Variants in ALK observed in about 807,000 individuals in gnomAD.
ALK encodes ALK tyrosine kinase receptor.
In ALK, 74 loss-of-function variants were observed where a neutral mutation model predicts 163.1. The ratio of observed to expected loss-of-function variants is 0.45; its 90% CI spans 0.38 to 0.55. ALK has a LOEUF of 0.55. Among genes scored for constraint, ALK ranks in the 20% least tolerant of loss-of-function variants. The pLI, the probability that ALK is intolerant of heterozygous loss-of-function variation, is 0.00. For missense variants in ALK, 2,063 were observed against 2,105.3 expected, an observed-to-expected ratio of 0.98 and a Z score of 0.39; for synonymous variants, 960 against 843.2, an observed-to-expected ratio of 1.14 and a Z score of -2.40.
At chr2:29,547,333 A>G (rs1236236164) in intron 3 of ALK, among the ~76,000 whole-genome samples, 1 of 152,226 alleles carries the variant, frequency 6.6e-6, no homozygotes. Context: ...GAGGTGGCTC[A>G]TGCCTGTAAT....
chr2:29,458,506 T>C (rs1044731940), intron 4 of ALK, among the ~76,000 whole-genome samples: 2 of 152,178 alleles, frequency 1.3e-5, no homozygotes, highest in Non-Finnish European at 2.9e-5. Flanking sequence ...AGGGACTCCA[T>C]GCCCTTTATA....
chr2:29,398,474 T>C (rs913519167), intron 4 of ALK, among the ~76,000 whole-genome samples: 1 of 152,132 alleles, frequency 6.6e-6, no homozygotes, highest in African/African-American at 2.4e-5. Context: ...CCCACTGTTT[T>C]ATAAGTGTCA....
chr2:29,518,802 C>T (rs1250507707), intron 4 of ALK, among the ~76,000 whole-genome samples: 4 of 152,198 alleles, frequency 2.6e-5, no homozygotes, highest in Non-Finnish European at 5.9e-5. Context: ...AGTAAGCTTC[C>T]TCTGTATGAC....
intron 1 of ALK, among the ~76,000 whole-genome samples, chr2:29,874,199 T>G (rs770480309): frequency 6.6e-6 from 1 of 152,154 alleles, no homozygotes. Flanking sequence ...CAAAAAATGG[T>G]GAGATTATTC....
At chr2:29,535,149 C>T (rs1217882518) in intron 3 of ALK, among the ~76,000 whole-genome samples, 2 of 152,154 alleles carry the variant, frequency 1.3e-5, no homozygotes, top group Admixed American at 6.5e-5. Context: ...GGCAAAGTCT[C>T]CTGGGGTCCT....
chr2:29,596,616 T>A lies in ALK; in HGVS notation c.953-64500A>T, dbSNP rs142964743. ...AGCTAGAGAGGTGAGCAGGGCCAGA[T>A]TCTGAGGGCCTTGAGTGGCACTGAG... On this transcript the variant is annotated intron_variant, in intron 3 of 28. Transcript: ENST00000389048. 4.9e-3 allele frequency among the ~76,000 whole-genome samples: 741 copies of A among 152,190 alleles called. 8 individuals are homozygous for A. The highest frequency in any genetic ancestry group is 0.016 in the African/African-American group (649 of 41,528).
At chr2:29,776,275 T>C (rs1681174518) in intron 1 of ALK, among the ~76,000 whole-genome samples, 1 of 148,482 alleles carries the variant, frequency 6.7e-6, no homozygotes, top group Non-Finnish European at 1.5e-5. Context: ...CCACAAGACA[T>C]TGTGATGATT....
chr2:29,637,195 T>C (rs2339547), intron 3 of ALK, among the ~76,000 whole-genome samples: 118,237 of 151,808 alleles, frequency 0.78, 46,385 homozygotes, highest in African/African-American at 0.87. Context: ...TGTTCCTCCA[T>C]GGATGTATGA....
At chr2:29,478,143 T>A (rs1160702245) in intron 4 of ALK, among the ~76,000 whole-genome samples, 1 of 152,160 alleles carries the variant, frequency 6.6e-6, no homozygotes, top group Non-Finnish European at 1.5e-5. Flanking sequence ...CAGATAGAAA[T>A]ATGAGGATTG....
At chr2:29,440,534 C>T (rs577322575) in intron 4 of ALK, among the ~76,000 whole-genome samples, 1 of 152,128 alleles carries the variant, frequency 6.6e-6, no homozygotes, top group African/African-American at 2.4e-5. Context: ...CCAGGCTGGT[C>T]TCAAACACCC....
chr2:29,491,284 G>A (rs975669459), intron 4 of ALK, among the ~76,000 whole-genome samples: 45 of 152,148 alleles, frequency 3.0e-4, no homozygotes, highest in African/African-American at 1.1e-3. Flanking sequence ...GGTTTCCGTG[G>A]CTGATCCATT....
chr2:29,214,673 T>C (rs995242799), intron 23 of ALK, among the ~76,000 whole-genome samples: 8 of 152,232 alleles, frequency 5.3e-5, no homozygotes, highest in African/African-American at 1.9e-4. Context: ...CAAAAGGAGA[T>C]GTCACCTCCC....
intron 1 of ALK, 110 bp from the exon 2 acceptor site, chr2:29,717,807 A>C: frequency 6.9e-7 from 1 of 1,459,148 alleles, no homozygotes; most frequent in Non-Finnish European, 9.6e-7. Context: ...CATGACATCC[A>C]TCGGGAAGAT....
chr2:29,868,208 G>A (rs1030073509), intron 1 of ALK, among the ~76,000 whole-genome samples: 5 of 152,190 alleles, frequency 3.3e-5, no homozygotes, highest in African/African-American at 1.2e-4. Flanking sequence ...CCTTCCAAAG[G>A]CACCTCAAGA....
At chr2:29,425,751 C>T (rs1670121150) in intron 4 of ALK, among the ~76,000 whole-genome samples, 2 of 152,126 alleles carry the variant, frequency 1.3e-5, no homozygotes, top group Admixed American at 6.6e-5. Flanking sequence ...CAAAGTTCTC[C>T]CCAAAGCAAC....
At chr2:29,217,913 G>A (rs866247015) in intron 23 of ALK, among the ~76,000 whole-genome samples, 3 of 152,092 alleles carry the variant, frequency 2.0e-5, no homozygotes, top group Admixed American at 1.3e-4. Context: ...TCCCTTGGCC[G>A]ATTCACCCTC....
intron 9 of ALK, among the ~76,000 whole-genome samples, chr2:29,296,293 C>A (rs899381671): frequency 1.1e-4 from 17 of 152,344 alleles, no homozygotes; most frequent in African/African-American, 4.1e-4. Context: ...TTGCCATCCT[C>A]TTTATCAACC....
At chr2:29,298,708 T>C (rs947261904) in intron 8 of ALK, among the ~76,000 whole-genome samples, 1 of 152,228 alleles carries the variant, frequency 6.6e-6, no homozygotes, top group Admixed American at 6.5e-5. Flanking sequence ...GAAGATCTAC[T>C]ATGTCAGGAA....
chr2:29,719,452 G>C (rs973852743), intron 1 of ALK, among the ~76,000 whole-genome samples: 4 of 152,224 alleles, frequency 2.6e-5, no homozygotes, highest in African/African-American at 7.2e-5. Flanking sequence ...GATAGGCAAT[G>C]GGGCTCAGAG....
Sources: gnomAD v4.1 joint callset for allele counts (sites outside exome capture counted in the v4.1 genomes callset) on GRCh38, gnomAD v4.1.1 for gene constraint, MANE v1.5 for transcripts, NCBI Gene and HGNC (gene_info 2026-07-23, HGNC 2026-07-21) for gene names.